Variants in SIRPD observed in about 807,000 individuals in gnomAD.
The protein encoded by SIRPD is signal-regulatory protein delta.
SIRPD carries 21 observed loss-of-function variants against 18.0 expected under a neutral mutation model. The ratio of observed to expected loss-of-function variants is 1.17; its 90% CI spans 0.83 to 1.68. SIRPD has a LOEUF of 1.68. Among genes scored for constraint, SIRPD ranks in the 40% most tolerant of loss-of-function variants. SIRPD has a pLI of 0.00. For missense variants in SIRPD, 295 were observed against 238.4 expected (o/e 1.24, Z -1.56); for synonymous variants, 106 against 92.9 (o/e 1.14, Z -0.81).
chr20:1,556,370 A>C (rs556265351), intron 1 of SIRPD, among the ~76,000 whole-genome samples: 8 of 152,248 alleles, frequency 5.3e-5, no homozygotes, highest in South Asian at 2.1e-4. Flanking sequence ...AAAAAGAGGA[A>C]GCTTTATAGT....
chr20:1,547,688 T>G (rs981839700), intron 2 of SIRPD, among the ~76,000 whole-genome samples: 4 of 152,312 alleles, frequency 2.6e-5, no homozygotes, highest in African/African-American at 9.6e-5. Flanking sequence ...AAAAGTAGGT[T>G]GGGATTCTGA....
At chr20:1,538,779 AAAG>A (rs1259824695) in intron 2 of SIRPD, among the ~76,000 whole-genome samples, 4 of 152,194 alleles carry the variant, frequency 2.6e-5, no homozygotes, top group Non-Finnish European at 5.9e-5. Context: ...CAGACATGTA[AAAG>A]AAGAAGCTTC....
chr20:1,553,704 G>A lies in SIRPD; in HGVS notation c.74-1666C>T, dbSNP rs181818647. Among the ~76,000 whole-genome samples the A allele has an allele frequency of 2.0e-3, 300 of 152,230 alleles. 1 individual carries two copies. Among genetic ancestry groups the A allele is most frequent in the Non-Finnish European group, 2.8e-3 (188 of 68,028 alleles). ...TTTGTAAATGTCTCCTATGTCATTG[G>A]GTTCTGGTGGGGTTGGCATCAGAGA... On this transcript the variant is annotated intron_variant, in intron 1 of 3. Coordinates refer to ENST00000381623, the MANE Select transcript of SIRPD (RefSeq NM_178460.3).
intron 2 of SIRPD, among the ~76,000 whole-genome samples, chr20:1,541,023 TTATC>T (rs1251527015): frequency 1.3e-5 from 2 of 152,242 alleles, no homozygotes; most frequent in Non-Finnish European, 2.9e-5. Flanking sequence ...CACATTTTCT[TTATC>T]TATCCTATCA....
At chr20:1,537,515 G>A (rs1391452129) in intron 2 of SIRPD, among the ~76,000 whole-genome samples, 1 of 152,170 alleles carries the variant, frequency 6.6e-6, no homozygotes, top group African/African-American at 2.4e-5. Context: ...TGTGTCCTTT[G>A]GGCCCCTCAC....
At chr20:1,551,233 C>T (rs1341989499) in intron 2 of SIRPD, among the ~76,000 whole-genome samples, 1 of 152,158 alleles carries the variant, frequency 6.6e-6, no homozygotes, top group East Asian at 1.9e-4. Flanking sequence ...AACCTTATTC[C>T]CCTCATGGTC....
intron 2 of SIRPD, among the ~76,000 whole-genome samples, chr20:1,543,728 T>A (rs1166488271): frequency 6.6e-6 from 1 of 152,216 alleles, no homozygotes; most frequent in African/African-American, 2.4e-5. Context: ...ATTTTAGATC[T>A]TTCCTGCTGT....
At chr20:1,554,272 C>T (rs1456156203) in intron 1 of SIRPD, 1 of 152,658 alleles carries the variant, frequency 6.6e-6, no homozygotes, top group African/African-American at 2.4e-5. Flanking sequence ...GCTATTTCAC[C>T]TGGAACTCTT....
intron 2 of SIRPD, among the ~76,000 whole-genome samples, chr20:1,548,761 G>C (rs2091005567): frequency 2.0e-5 from 3 of 151,666 alleles, no homozygotes; most frequent in Non-Finnish European, 4.4e-5. Flanking sequence ...TTTTTTCATA[G>C]TATTCTTTAA....
At chr20:1,534,736 T>C (rs1333627090) in intron 3 of SIRPD, among the ~76,000 whole-genome samples, 1 of 152,154 alleles carries the variant, frequency 6.6e-6, no homozygotes, top group African/African-American at 2.4e-5. Context: ...TCTGTTTTGG[T>C]CCCAAATGTT....
intron 1 of SIRPD, 31 bp from the exon 2 acceptor site, chr20:1,552,069 TC>T (rs751475603): frequency 6.3e-7 from 1 of 1,585,210 alleles, no homozygotes; most frequent in East Asian, 2.2e-5. Context: ...ATTTCTCATT[TC>T]CCCTGTTCTG....
At chr20:1,546,824 C>T (rs1247574326) in intron 2 of SIRPD, among the ~76,000 whole-genome samples, 1 of 152,026 alleles carries the variant, frequency 6.6e-6, no homozygotes, top group Non-Finnish European at 1.5e-5. Context: ...TTTGCATTTC[C>T]CTGAGGATAA....
intron 2 of SIRPD, among the ~76,000 whole-genome samples, chr20:1,547,067 T>C (rs1380651244): frequency 6.6e-6 from 1 of 152,260 alleles, no homozygotes; most frequent in African/African-American, 2.4e-5. Flanking sequence ...ATGCTTTTGA[T>C]ACTATGCTTA....
chr20:1,548,795 T>C (rs1186942070), intron 2 of SIRPD, among the ~76,000 whole-genome samples: 1 of 152,150 alleles, frequency 6.6e-6, no homozygotes, highest in East Asian at 1.9e-4. Context: ...TTCTATAAAG[T>C]TGCTAGTAAT....
At chr20:1,545,043 A>G (rs1014979716) in intron 2 of SIRPD, among the ~76,000 whole-genome samples, 4 of 152,126 alleles carry the variant, frequency 2.6e-5, no homozygotes. Context: ...TGGCTGCCTT[A>G]ACATTTTTCA....
intron 3 of SIRPD, among the ~76,000 whole-genome samples, chr20:1,534,764 A>G (rs772997067): frequency 6.6e-6 from 1 of 152,168 alleles, no homozygotes; most frequent in African/African-American, 2.4e-5. Context: ...CCCCCTGTCC[A>G]TTGCTGCTGC....
At chr20:1,535,358 C>T (rs917930831) in intron 3 of SIRPD, among the ~76,000 whole-genome samples, 3 of 152,148 alleles carry the variant, frequency 2.0e-5, no homozygotes, top group African/African-American at 7.2e-5. Flanking sequence ...TATTTGTCCC[C>T]TCCAAAATTC....
intron 3 of SIRPD, among the ~76,000 whole-genome samples, chr20:1,535,021 C>T (rs1175492656): frequency 6.6e-6 from 1 of 152,084 alleles, no homozygotes; most frequent in Non-Finnish European, 1.5e-5. Flanking sequence ...ATGCATGGCC[C>T]ATGTCCAAGA....
intron 2 of SIRPD, among the ~76,000 whole-genome samples, chr20:1,548,179 C>T (rs1347692698): frequency 6.6e-6 from 1 of 152,130 alleles, no homozygotes; most frequent in Non-Finnish European, 1.5e-5. Context: ...TCTAACCATC[C>T]TCATTAATTG....
Sources: allele counts gnomAD v4.1 joint callset (sites outside exome capture counted in the v4.1 genomes callset), GRCh38; gene constraint gnomAD v4.1.1; transcripts MANE v1.5; gene names NCBI Gene and HGNC (gene_info 2026-07-23, HGNC 2026-07-21).